GALNT13: variants seen among roughly 807,000 people sequenced by gnomAD.
GALNT13 encodes the protein polypeptide N-acetylgalactosaminyltransferase 13.
GALNT13 carries 28 observed loss-of-function variants against 64.2 expected under a neutral mutation model. That is an observed-to-expected ratio of 0.44 (90% confidence interval 0.32 to 0.60). The LOEUF (loss-of-function observed/expected upper bound fraction) is 0.60, where lower values mean the gene tolerates loss of function less well. Among genes scored for constraint, GALNT13 ranks in the 20% least tolerant of loss-of-function variants. The probability of loss-of-function intolerance (pLI) is 0.05; values close to 1 mark genes in which losing one functional copy is unlikely to be tolerated. For missense variants in GALNT13, 577 were observed against 669.8 expected, an observed-to-expected ratio of 0.86 and a Z score of 1.53; for synonymous variants, 214 against 224.6, an observed-to-expected ratio of 0.95 and a Z score of 0.42.
At chr2:153,864,019 A>G in the GALNT13 span, among the ~76,000 whole-genome samples, 1 of 152,238 alleles carries the variant, frequency 6.6e-6, no homozygotes, top group Non-Finnish European at 1.5e-5. Flanking sequence ...CTGAATGCCA[A>G]TACTTTTCCA....
the GALNT13 span, among the ~76,000 whole-genome samples, chr2:153,740,563 T>C: frequency 6.6e-6 from 1 of 152,070 alleles, no homozygotes. Flanking sequence ...TTCTCTCTAG[T>C]CTTATTAAAT....
At chr2:153,268,486 A>G in the GALNT13 span, among the ~76,000 whole-genome samples, 1 of 152,184 alleles carries the variant, frequency 6.6e-6, no homozygotes, top group Admixed American at 6.5e-5. Flanking sequence ...TGGGGCTGGC[A>G]TTGAGTGCCT....
chr2:153,723,025 CT>C, the GALNT13 span, among the ~76,000 whole-genome samples: 2 of 152,024 alleles, frequency 1.3e-5, no homozygotes, highest in Non-Finnish European at 2.9e-5. Flanking sequence ...GAACAATATC[CT>C]TGATGAACAT....
intron 4 of GALNT13, among the ~76,000 whole-genome samples, chr2:154,196,816 C>G (rs536949090): frequency 1.3e-5 from 2 of 152,338 alleles, no homozygotes; most frequent in East Asian, 3.9e-4. Context: ...TTGGGTTCTA[C>G]TAAAATTATC....
chr2:154,076,435 G>C (rs957657977), intron 3 of GALNT13, among the ~76,000 whole-genome samples: 1 of 151,710 alleles, frequency 6.6e-6, no homozygotes, highest in African/African-American at 2.4e-5. Flanking sequence ...ACATTTTGTA[G>C]ATGAGAAAAC....
the GALNT13 span, among the ~76,000 whole-genome samples, chr2:153,394,039 C>T: frequency 2.0e-5 from 3 of 151,554 alleles, no homozygotes; most frequent in Non-Finnish European, 2.9e-5. Context: ...ATATAGGCCA[C>T]GTGACTTGTG....
At chr2:153,543,857 C>T in the GALNT13 span, among the ~76,000 whole-genome samples, 23 of 152,300 alleles carry the variant, frequency 1.5e-4, no homozygotes, top group Non-Finnish European at 2.2e-4. Context: ...AAATACCTTT[C>T]TCTATTTATA....
At chr2:153,875,499 TTA>T (rs1686300915) in intron 1 of GALNT13, among the ~76,000 whole-genome samples, 1 of 152,212 alleles carries the variant, frequency 6.6e-6, no homozygotes, top group South Asian at 2.1e-4. Flanking sequence ...GTTTAAACAG[TTA>T]TGTCAGAGTG....
At chr2:153,381,038 T>C in the GALNT13 span, among the ~76,000 whole-genome samples, 2 of 151,812 alleles carry the variant, frequency 1.3e-5, no homozygotes, top group Non-Finnish European at 2.9e-5. Flanking sequence ...CGGGCTCAAG[T>C]TATTCTCCCA....
the GALNT13 span, among the ~76,000 whole-genome samples, chr2:153,442,906 T>C: frequency 1.3e-5 from 2 of 152,134 alleles, no homozygotes; most frequent in African/African-American, 2.4e-5. Flanking sequence ...CTTACCAAGC[T>C]CGAGTGTCCC....
upstream of GALNT13, among the ~76,000 whole-genome samples, chr2:153,871,710 A>G (rs1358739200): frequency 6.6e-6 from 1 of 152,164 alleles, no homozygotes; most frequent in African/African-American, 2.4e-5. Flanking sequence ...CAGCTCCAGA[A>G]GCAGCTGGAG....
chr2:154,314,249 A>T (rs1694209995), intron 9 of GALNT13, among the ~76,000 whole-genome samples: 1 of 152,170 alleles, frequency 6.6e-6, no homozygotes, highest in Admixed American at 6.5e-5. Context: ...TATATGAGTA[A>T]TTACACTAAA....
chr2:153,762,020 G>A, the GALNT13 span: 52 of 158,010 alleles, frequency 3.3e-4, no homozygotes, highest in South Asian at 1.3e-3. Flanking sequence ...TGAACTTCTA[G>A]AATCTTTTCC....
At chr2:154,365,606 G>A (rs573116091) in intron 9 of GALNT13, among the ~76,000 whole-genome samples, 7 of 152,164 alleles carry the variant, frequency 4.6e-5, no homozygotes, top group Non-Finnish European at 1.0e-4. Context: ...GTGGACTTCT[G>A]TGACAAGATC....
chr2:153,854,272 A>G, the GALNT13 span, among the ~76,000 whole-genome samples: 4 of 151,562 alleles, frequency 2.6e-5, no homozygotes, highest in African/African-American at 9.7e-5. Flanking sequence ...TATATAAAAA[A>G]TATAATTTAT....
At chr2:154,137,338 G>T (rs952515415) in intron 3 of GALNT13, among the ~76,000 whole-genome samples, 3 of 148,684 alleles carry the variant, frequency 2.0e-5, no homozygotes, top group Non-Finnish European at 4.5e-5. Flanking sequence ...TTTTAAAAAT[G>T]TCAAATATAT....
the GALNT13 span, among the ~76,000 whole-genome samples, chr2:153,340,012 A>T: frequency 6.6e-6 from 1 of 152,106 alleles, no homozygotes; most frequent in Non-Finnish European, 1.5e-5. Context: ...GCTTTATAAT[A>T]TAATTTGAAA....
the GALNT13 span, among the ~76,000 whole-genome samples, chr2:153,373,019 T>C: frequency 1.3e-5 from 2 of 152,230 alleles, no homozygotes; most frequent in African/African-American, 4.8e-5. Flanking sequence ...ATGATTATTT[T>C]AACTCAAGCC....
chr2:153,312,307 G>T, the GALNT13 span, among the ~76,000 whole-genome samples: 1 of 152,196 alleles, frequency 6.6e-6, no homozygotes, highest in African/African-American at 2.4e-5. Flanking sequence ...AGGCTTCCAT[G>T]ACACGGGGGA....
Sources: gnomAD v4.1 joint callset for allele counts (sites outside exome capture counted in the v4.1 genomes callset) on GRCh38, gnomAD v4.1.1 for gene constraint, MANE v1.5 for transcripts, NCBI Gene and HGNC (gene_info 2026-07-23, HGNC 2026-07-21) for gene names.